The following TTC7B variants were observed in gnomAD, a reference collection of about 807,000 sequenced individuals.
TTC7B encodes tetratricopeptide repeat domain 7B, also known as tetratricopeptide repeat protein 7B.
In TTC7B, 28 loss-of-function variants were observed where a neutral mutation model predicts 106.8. The observed-to-expected ratio is 0.26, with a 90% CI of 0.19 to 0.36. TTC7B has a LOEUF of 0.36. TTC7B is among the 10% of genes least tolerant of loss of function. The pLI is 1.00. For synonymous variants in TTC7B, 405 were observed against 430.6 expected (o/e 0.94, Z 0.74); for missense variants, 862 against 1,076.4 (o/e 0.80, Z 2.79).
intron 19 of TTC7B, among the ~76,000 whole-genome samples, chr14:90,556,785 A>C (rs772983539): frequency 2.6e-5 from 4 of 152,170 alleles, no homozygotes; most frequent in Non-Finnish European, 5.9e-5. Context: ...AGATGCAGGC[A>C]TCAGGGATAC....
intron 19 of TTC7B, among the ~76,000 whole-genome samples, chr14:90,572,872 C>T (rs151229883): frequency 2.6e-5 from 4 of 152,306 alleles, no homozygotes; most frequent in Non-Finnish European, 5.9e-5. Context: ...ACTCCCAACC[C>T]ACCACACCTA....
At position 90,551,179 on chromosome 14, in the gene TTC7B, C is replaced by G. The variant is rs537720919; in HGVS notation, c.2311-9590G>C. ...AGAGGAGAACAGCCTTGCTGAAGGC[C>G]TTGACCCTGCTGGACACAGAGTGGG... On this transcript the variant is annotated intron_variant, in intron 19 of 19. Coordinates refer to ENST00000328459, the MANE Select transcript of TTC7B (RefSeq NM_001010854.2). 3.3e-5 allele frequency among the ~76,000 whole-genome samples: 5 copies of G among 152,342 alleles called. No homozygotes were observed. In the East Asian group the frequency reaches 9.6e-4, roughly 29 times the overall value.
chr14:90,596,910 C>T lies in TTC7B; in HGVS notation c.1967-3284G>A, dbSNP rs188713156. On this transcript the variant is annotated intron_variant, in intron 17 of 19. Transcript: ENST00000328459. ...GAGGGCGGCCCCCTCTCTGGATGCA[C>T]GTGTGCTCTACTCTTCCCCTCTAAC... is the stretch of plus-strand genomic sequence containing the variant. Among the ~76,000 whole-genome samples, 35 of 152,240 alleles carry T rather than the reference C, an allele frequency of 2.3e-4. No homozygotes were observed. The East Asian group carries it at 5.2e-3, about 23-fold the overall frequency.
intron 18 of TTC7B, among the ~76,000 whole-genome samples, chr14:90,580,817 G>A (rs1193941486): frequency 6.6e-6 from 1 of 152,230 alleles, no homozygotes; most frequent in African/African-American, 2.4e-5. Context: ...GTATTTTTGT[G>A]AGGTCTTGGG....
At chr14:90,780,585 T>G (rs551778631) in intron 3 of TTC7B, among the ~76,000 whole-genome samples, 153 bp downstream of exon 3, 1 of 152,246 alleles carries the variant, frequency 6.6e-6, no homozygotes, top group Non-Finnish European at 1.5e-5. Flanking sequence ...GGGCTTAGCA[T>G]GACCCAGCAT....
chr14:90,584,713 C>T lies in TTC7B; in HGVS notation c.2108-6405G>A, dbSNP rs540383076. Among the ~76,000 whole-genome samples the T allele has an allele frequency of 2.6e-5, 4 of 152,032 alleles. No individual in the cohort carries two copies. In the South Asian group the frequency reaches 6.3e-4, roughly 24 times the overall value. The stretch of plus-strand genomic sequence containing the variant: ...AGGACGCATGGCAGTAGGTACCTCC[C>T]GACCTCGCAGCTCAAGCCGGCAGCC... On this transcript the variant is annotated intron_variant, in intron 18 of 19. Transcript: ENST00000328459.
At chr14:90,722,236 C>G (rs186071979) in intron 5 of TTC7B, among the ~76,000 whole-genome samples, 3 of 152,200 alleles carry the variant, frequency 2.0e-5, no homozygotes, top group African/African-American at 7.2e-5. Flanking sequence ...CACAGACTCC[C>G]TCCTGGCTCT....
At chr14:90,586,462 G>A (rs967413772) in intron 18 of TTC7B, among the ~76,000 whole-genome samples, 17 of 152,108 alleles carry the variant, frequency 1.1e-4, no homozygotes, top group Admixed American at 2.6e-4. Flanking sequence ...TAGAGACGGG[G>A]TTTCACCATG....
At chr14:90,623,075 T>G (rs1884280986) in intron 15 of TTC7B, among the ~76,000 whole-genome samples, 2 of 152,130 alleles carry the variant, frequency 1.3e-5, no homozygotes, top group South Asian at 4.2e-4. Context: ...TACTCATCCT[T>G]CAAGATTCAG....
At chr14:90,661,031 C>A (rs575827371) in intron 9 of TTC7B, among the ~76,000 whole-genome samples, 9 of 152,320 alleles carry the variant, frequency 5.9e-5, no homozygotes, top group Non-Finnish European at 1.3e-4. Context: ...GCAGGGCATT[C>A]TCTGCCAGCA....
chr14:90,719,253 G>A lies in TTC7B; in HGVS notation c.698+10822C>T, dbSNP rs1374861888. On this transcript the variant is annotated intron_variant, in intron 5 of 19. Coordinates refer to ENST00000328459, the MANE Select transcript of TTC7B (RefSeq NM_001010854.2). ...TGCACCACTGCACTCCAGCTTGGGT[G>A]ACAAAGCAAGACCCTGCCTCAAAAA... Among the ~76,000 whole-genome samples the A allele has an allele frequency of 5.9e-5, 9 of 152,246 alleles. No individual in the cohort carries two copies. In the East Asian group the frequency reaches 1.7e-3, roughly 29 times the overall value.
chr14:90,811,385 G>C (rs1386181967), intron 1 of TTC7B, among the ~76,000 whole-genome samples: 2 of 152,100 alleles, frequency 1.3e-5, no homozygotes, highest in Non-Finnish European at 2.9e-5. Context: ...TAAACAACAG[G>C]GGCTGCCTCA....
At position 90,711,728 on chromosome 14, in the gene TTC7B, A is replaced by G. The variant is rs568079966; in HGVS notation, c.699-16150T>C. Among the ~76,000 whole-genome samples the G allele has an allele frequency of 1.6e-3, 239 of 152,244 alleles. 1 individual carries two copies. The highest frequency in any genetic ancestry group is 2.9e-3 in the Non-Finnish European group (199 of 68,046). On this transcript the variant is annotated intron_variant, in intron 5 of 19. Transcript: ENST00000328459. Reference sequence around the variant, plus strand: ...TGAGCCACTGTGCCCAGCTGAAAACAGAAAATTTTTTCCAAAAAAATGCAG... The same window carrying G: ...TGAGCCACTGTGCCCAGCTGAAAACGGAAAATTTTTTCCAAAAAAATGCAG...
intron 7 of TTC7B, among the ~76,000 whole-genome samples, chr14:90,688,621 C>CAAAAAAAAA (rs57020065): frequency 3.7e-5 from 2 of 54,490 alleles, no homozygotes; most frequent in African/African-American, 8.5e-5. Context: ...GGCTCTGTCT[C>CAAAAAAAAA]AAAAAAAAAA....
At chr14:90,775,680 A>G (rs1387143630) in intron 3 of TTC7B, among the ~76,000 whole-genome samples, 1 of 152,016 alleles carries the variant, frequency 6.6e-6, no homozygotes, top group Non-Finnish European at 1.5e-5. Flanking sequence ...ACATCCCCAC[A>G]TCTTGGTCCT....
chr14:90,744,658 G>T, intron 4 of TTC7B, 134 bp downstream of exon 4: 1 of 937,474 alleles, frequency 1.1e-6, no homozygotes, highest in Non-Finnish European at 1.6e-6. Context: ...ACTCTCCTTA[G>T]CTTTAAGGAG....
chr14:90,574,491 T>C (rs543767589), intron 19 of TTC7B, among the ~76,000 whole-genome samples: 2 of 152,254 alleles, frequency 1.3e-5, no homozygotes, highest in East Asian at 3.8e-4. Flanking sequence ...CACATGAATT[T>C]AGACACATAC....
intron 13 of TTC7B, among the ~76,000 whole-genome samples, chr14:90,649,116 A>G (rs140133674): frequency 6.6e-6 from 1 of 152,392 alleles, no homozygotes; most frequent in East Asian, 1.9e-4. Flanking sequence ...CAGAAGTGCT[A>G]GAAATCTTGG....
chr14:90,668,296 TA>T (rs1241485609), intron 9 of TTC7B, among the ~76,000 whole-genome samples: 1 of 152,188 alleles, frequency 6.6e-6, no homozygotes. Flanking sequence ...CTAGCTACAT[TA>T]TAGCCATTAT....
Sources: gnomAD v4.1 joint callset for allele counts (sites outside exome capture counted in the v4.1 genomes callset) on GRCh38, gnomAD v4.1.1 for gene constraint, MANE v1.5 for transcripts, NCBI Gene and HGNC (gene_info 2026-07-23, HGNC 2026-07-21) for gene names.